ZNF385D: variants seen among roughly 807,000 people sequenced by gnomAD.
ZNF385D encodes the protein zinc finger protein 385D.
ZNF385D carries 15 observed loss-of-function variants against 35.8 expected under a neutral mutation model. The observed-to-expected ratio is 0.42, with a 90% confidence interval of 0.28 to 0.64. The LOEUF (loss-of-function observed/expected upper bound fraction) is 0.64. Ranked by LOEUF, ZNF385D falls within the 30% of genes least tolerant of loss-of-function variation. The pLI, the probability that ZNF385D is intolerant of heterozygous loss-of-function variation, is 0.23. For synonymous variants in ZNF385D, 212 were observed against 186.8 expected (o/e 1.13, Z -1.10); for missense variants, 474 against 494.6 (o/e 0.96, Z 0.39).
intron 3 of ZNF385D, among the ~76,000 whole-genome samples, chr3:21,834,061 T>C (rs188042621): frequency 2.7e-5 from 4 of 149,106 alleles, no homozygotes; most frequent in Non-Finnish European, 4.6e-5. Context: ...TGACCTTTGA[T>C]AGTTAAACAA....
At chr3:21,906,266 G>A (rs1347941397) in intron 3 of ZNF385D, among the ~76,000 whole-genome samples, 1 of 152,128 alleles carries the variant, frequency 6.6e-6, no homozygotes, top group Admixed American at 6.6e-5. Context: ...TGTTTCTGCT[G>A]TGAGTTCCTT....
At chr3:21,809,679 C>T (rs1462446064) in intron 3 of ZNF385D, among the ~76,000 whole-genome samples, 1 of 150,558 alleles carries the variant, frequency 6.6e-6, no homozygotes, top group Non-Finnish European at 1.5e-5. Flanking sequence ...TATATACACA[C>T]ATATATACCT....
At chr3:21,967,691 T>C (rs533063114) in intron 3 of ZNF385D, among the ~76,000 whole-genome samples, 83 of 152,340 alleles carry the variant, frequency 5.4e-4, no homozygotes, top group African/African-American at 2.0e-3. Context: ...CTTTCAGTGT[T>C]TGCACAGGGC....
intron 3 of ZNF385D, among the ~76,000 whole-genome samples, chr3:21,936,448 T>G: frequency 6.6e-6 from 1 of 151,956 alleles, no homozygotes; most frequent in Non-Finnish European, 1.5e-5. Flanking sequence ...TTTTCACCAA[T>G]ACTATTTTCC....
At chr3:21,970,593 T>C (rs1348282690) in intron 3 of ZNF385D, among the ~76,000 whole-genome samples, 4 of 151,460 alleles carry the variant, frequency 2.6e-5, no homozygotes, top group South Asian at 2.1e-4. Context: ...CTAGGAGTTA[T>C]TGGCCTTAAA....
intron 2 of ZNF385D, among the ~76,000 whole-genome samples, chr3:21,585,184 A>T (rs1341716102): frequency 6.6e-6 from 1 of 152,206 alleles, no homozygotes; most frequent in African/African-American, 2.4e-5. Flanking sequence ...TTTGCAGGTA[A>T]AGGATTATTG....
intron 3 of ZNF385D, among the ~76,000 whole-genome samples, chr3:22,103,003 T>C (rs972755137): frequency 6.6e-6 from 1 of 150,502 alleles, no homozygotes; most frequent in African/African-American, 2.4e-5. Flanking sequence ...ATACTGTATA[T>C]ATATAAGTGA....
rs1206879495 is a variant in ZNF385D at position 21,875,283 on chromosome 3, T to C, written c.326-210255A>G. 2.6e-5 allele frequency among the ~76,000 whole-genome samples: 4 copies of C among 152,126 alleles called. No homozygotes were observed. In the East Asian group the frequency reaches 7.8e-4, roughly 30 times the overall value. ...TAATTTCTTTGGTCAGAACTTCCAG[T>C]GTTTATTTTCATGGTTGCAAAATCT... On this transcript the variant is annotated intron_variant, in intron 3 of 5. Coordinates refer to the ZNF385D transcript ENST00000494108.
chr3:22,362,973 C>T (rs1158901766), intron 2 of ZNF385D, among the ~76,000 whole-genome samples: 1 of 152,064 alleles, frequency 6.6e-6, no homozygotes, highest in Admixed American at 6.6e-5. Flanking sequence ...TCACAGAACT[C>T]ACTGTCGAGA....
intron 6 of ZNF385D, 127 bp from the exon 7 acceptor site, chr3:21,424,191 G>T (rs1456798080): frequency 2.8e-6 from 2 of 719,926 alleles, no homozygotes; most frequent in Non-Finnish European, 4.1e-6. Context: ...AAAAATAAAA[G>T]ATCATGCACT....
At chr3:21,752,369 A>G (rs1376515562), upstream of ZNF385D, among the ~76,000 whole-genome samples, 1 of 152,222 alleles carries the variant, frequency 6.6e-6, no homozygotes, top group Non-Finnish European at 1.5e-5. Flanking sequence ...TGCAATTGAT[A>G]TATTTTTAAT....
chr3:21,489,205 C>T (rs549416144), intron 4 of ZNF385D, among the ~76,000 whole-genome samples: 3 of 152,052 alleles, frequency 2.0e-5, no homozygotes, highest in South Asian at 2.1e-4. Flanking sequence ...GCAGCTGCAA[C>T]GTAGCAAAGT....
intron 2 of ZNF385D, among the ~76,000 whole-genome samples, chr3:22,290,511 C>G (rs1702246735): frequency 6.6e-6 from 1 of 152,186 alleles, no homozygotes; most frequent in Non-Finnish European, 1.5e-5. Context: ...AGTGGCCTTT[C>G]TGGCAAGGTA....
intron 3 of ZNF385D, among the ~76,000 whole-genome samples, chr3:21,997,529 A>G (rs1695543855): frequency 6.6e-6 from 1 of 151,590 alleles, no homozygotes; most frequent in Non-Finnish European, 1.5e-5. Flanking sequence ...TTTAAAATCT[A>G]CTTTCTTTAA....
intron 2 of ZNF385D, among the ~76,000 whole-genome samples, chr3:21,638,406 G>C (rs560957130): frequency 6.6e-6 from 1 of 152,080 alleles, no homozygotes; most frequent in Non-Finnish European, 1.5e-5. Flanking sequence ...TGTGCAACAA[G>C]CCTCCTTTAA....
intron 2 of ZNF385D, among the ~76,000 whole-genome samples, chr3:22,183,623 G>T (rs1051006463): frequency 2.0e-5 from 3 of 152,006 alleles, no homozygotes; most frequent in Non-Finnish European, 4.4e-5. Context: ...CCCGAGAATG[G>T]AAAGTTTTAA....
intron 3 of ZNF385D, among the ~76,000 whole-genome samples, chr3:21,933,894 A>G (rs1460273931): frequency 2.0e-5 from 3 of 151,962 alleles, no homozygotes; most frequent in Non-Finnish European, 4.4e-5. Flanking sequence ...AAATCATAAG[A>G]CTGCCAGGAA....
intron 3 of ZNF385D, among the ~76,000 whole-genome samples, chr3:22,067,392 T>G (rs1366101258): frequency 1.3e-5 from 2 of 152,216 alleles, no homozygotes; most frequent in African/African-American, 2.4e-5. Flanking sequence ...GGTCACATAA[T>G]GCAACAGTTT....
chr3:21,515,286 A>C (rs1446578709), intron 3 of ZNF385D, among the ~76,000 whole-genome samples: 1 of 152,106 alleles, frequency 6.6e-6, no homozygotes, highest in Non-Finnish European at 1.5e-5. Flanking sequence ...TATTTCTTTT[A>C]TTCCATTAGC....
Sources: gnomAD v4.1 joint callset for allele counts (sites outside exome capture counted in the v4.1 genomes callset) on GRCh38, gnomAD v4.1.1 for gene constraint, MANE v1.5 for transcripts, NCBI Gene and HGNC (gene_info 2026-07-23, HGNC 2026-07-21) for gene names.